C11orf71: variants seen among roughly 807,000 people sequenced by gnomAD.
C11orf71 encodes chromosome 11 open reading frame 71.
For synonymous variants in C11orf71, 72 were observed against 73.4 expected, an observed-to-expected ratio of 0.98 and a Z score of 0.09; for missense variants, 179 against 167.6, an observed-to-expected ratio of 1.07 and a Z score of -0.38.
At chr11:114,391,577 A>C in exon 2 of C11orf71, 1 of 1,524,242 alleles carries the variant, frequency 6.6e-7, no homozygotes, top group East Asian at 2.5e-5. Context: ...ATATTACTAA[A>C]ATTTCAAAAA....
At position 114,400,365 on chromosome 11, in the gene C11orf71, C is replaced by T. The variant is rs1946177623; in HGVS notation, c.-34G>A. ...ACTGCCCGCAGTACTTGCGTTACGT[C>T]CCTTTGTGAAGGCAGGCCCTTCGCG... On this transcript the variant is annotated 5_prime_UTR_variant, in exon 1 of 1. Transcript: ENST00000623205. The T allele has an allele frequency of 6.4e-7, 1 of 1,563,128 alleles. No individual in the cohort carries two copies. Among genetic ancestry groups the T allele is most frequent in the Non-Finnish European group, 8.7e-7 (1 of 1,153,792 alleles).
downstream of C11orf71, among the ~76,000 whole-genome samples, chr11:114,395,714 T>C (rs1946126533): frequency 6.6e-6 from 1 of 152,218 alleles, no homozygotes; most frequent in Non-Finnish European, 1.5e-5. Context: ...ATGTTCCTAA[T>C]GTCTGTCATG....
intron 1 of C11orf71, chr11:114,391,767 A>G (rs1191964075): frequency 2.7e-5 from 14 of 509,158 alleles, no homozygotes; most frequent in Non-Finnish European, 4.3e-5. Context: ...ATTTCTAAAC[A>G]TGTGCTGACA....
chr11:114,392,709 A>C (rs1345934420), intron 1 of C11orf71, among the ~76,000 whole-genome samples: 1 of 150,060 alleles, frequency 6.7e-6, no homozygotes, highest in Admixed American at 6.7e-5. Context: ...CCAGAGCCTG[A>C]GCAATAGAGT....
downstream of C11orf71, among the ~76,000 whole-genome samples, chr11:114,395,495 G>C (rs529104272): frequency 4.4e-4 from 67 of 152,306 alleles, 2 homozygotes; most frequent in South Asian, 0.012. Flanking sequence ...AGTGTGCAAT[G>C]TATGAGAGTT....
Position 114,392,745 on chromosome 11 carries a change from AC to A in C11orf71, c.344-1081del, listed in dbSNP as rs1249562266. Among the ~76,000 whole-genome samples the A allele has an allele frequency of 8.9e-4, 134 of 151,274 alleles. 3 individuals carry two copies. The highest frequency in any genetic ancestry group is 3.4e-4 in the Non-Finnish European group (23 of 67,870). The stretch of plus-strand genomic sequence containing the variant: ...AAGATCCTGTCTCAAAAAAAAAAAA[AC>A]AAAAAAAAATTGTACAATGCATCTT... On this transcript the variant is annotated intron_variant, in intron 1 of 1. Transcript: ENST00000325636.
downstream of C11orf71, among the ~76,000 whole-genome samples, chr11:114,394,773 T>C (rs1302905540): frequency 1.3e-5 from 2 of 152,038 alleles, no homozygotes; most frequent in Non-Finnish European, 2.9e-5. Flanking sequence ...TTTAAAATTA[T>C]AAACAGAAAA....
chr11:114,394,555 A>G (rs1467465088), downstream of C11orf71, among the ~76,000 whole-genome samples: 3 of 151,974 alleles, frequency 2.0e-5, no homozygotes, highest in Admixed American at 1.3e-4. Flanking sequence ...TTGGCCTCCC[A>G]AAGTGCTGGG....
exon 2 of C11orf71, chr11:114,391,616 T>A: frequency 6.5e-7 from 1 of 1,540,666 alleles, no homozygotes. Flanking sequence ...TTGAACACCA[T>A]CTTAAATCAG....
chr11:114,394,197 TC>T (rs1363410929), downstream of C11orf71, among the ~76,000 whole-genome samples: 23 of 42,436 alleles, frequency 5.4e-4, 3 homozygotes, highest in African/African-American at 2.6e-3. Context: ...TCTTTTCTTT[TC>T]TTTTCTTTTC....
At chr11:114,395,502 A>G (rs1462385559), downstream of C11orf71, among the ~76,000 whole-genome samples, 1 of 152,200 alleles carries the variant, frequency 6.6e-6, no homozygotes, top group Non-Finnish European at 1.5e-5. Context: ...AATGTATGAG[A>G]GTTGCACTGC....
Position 114,400,482 on chromosome 11 carries a change from G to C in C11orf71, c.-151C>G. 4 of 1,289,844 alleles carry C rather than the reference G, an allele frequency of 3.1e-6. 1 individual carries two copies. The South Asian group carries it at 4.6e-5, about 15-fold the overall frequency. The allele number at this position is 1,289,844 out of a possible 1,614,324, so 79.9% of individuals were successfully genotyped here. A position where few individuals can be genotyped will look rare whatever the true frequency, so the allele number is the denominator to read the frequency against. On this transcript the variant is annotated 5_prime_UTR_variant, in exon 1 of 1. Coordinates refer to ENST00000623205, the MANE Select transcript of C11orf71 (RefSeq NM_001271562.2). ...CTGCGGAAGAGCCAGAAGCCGCCTTGCCTTTAACGAGGGGTATCCTGGCGA... is the reference window on the plus strand; with the variant it reads ...CTGCGGAAGAGCCAGAAGCCGCCTTCCCTTTAACGAGGGGTATCCTGGCGA...
exon 2 of C11orf71, chr11:114,391,601 G>A (rs1946072395): frequency 1.3e-6 from 2 of 1,538,004 alleles, no homozygotes; most frequent in Non-Finnish European, 1.8e-6. Context: ...TTGAATGGCT[G>A]CATGTTGAAC....
At chr11:114,392,546 A>AT in intron 1 of C11orf71, among the ~76,000 whole-genome samples, 1 of 148,114 alleles carries the variant, frequency 6.8e-6, no homozygotes. Context: ...AAAAAAAAAA[A>AT]AAAAGAAGAA....
chr11:114,391,526 A>G, exon 2 of C11orf71: 5 of 1,209,164 alleles, frequency 4.1e-6, no homozygotes, highest in Non-Finnish European at 5.7e-6. Flanking sequence ...TCCAATTTTT[A>G]TCTTAAATAA....
chr11:114,399,883 G>A lies in C11orf71; in HGVS notation c.*77C>T. 2 of 1,477,278 alleles carry A rather than the reference G, an allele frequency of 1.4e-6. No homozygotes were observed. The highest frequency in any genetic ancestry group is 9.0e-7 in the Non-Finnish European group (1 of 1,115,164). The allele number at this position is 1,477,278 out of a possible 1,614,324, so 91.5% of individuals were successfully genotyped here. The stretch of plus-strand genomic sequence containing the variant: ...CATCCATCTAAAAATAAAACAACAC[G>A]ATTGCTGCTACACCAAGAAAGGATT... On this transcript the variant is annotated 3_prime_UTR_variant, in exon 1 of 1. Transcript: ENST00000623205.
chr11:114,394,243 T>TTTCTTTTTTC (rs1491257335), downstream of C11orf71, among the ~76,000 whole-genome samples: 2 of 52,390 alleles, frequency 3.8e-5, no homozygotes, highest in African/African-American at 2.9e-4. Context: ...TTTTCTTTTC[T>TTTCTTTTTTC]TTTCTTTTCT....
chr11:114,393,205 C>G (rs1946086322), intron 1 of C11orf71, among the ~76,000 whole-genome samples: 1 of 152,212 alleles, frequency 6.6e-6, no homozygotes, highest in African/African-American at 2.4e-5. Flanking sequence ...ACCAGCATCT[C>G]AAGCTGCTTT....
At chr11:114,394,246 T>TC (rs1369414128), downstream of C11orf71, among the ~76,000 whole-genome samples, 1 of 63,436 alleles carries the variant, frequency 1.6e-5, no homozygotes, top group Admixed American at 2.1e-4. Flanking sequence ...TCTTTTCTTT[T>TC]CTTTTCTTTT....
Sources: allele counts gnomAD v4.1 joint callset (sites outside exome capture counted in the v4.1 genomes callset), GRCh38; gene constraint gnomAD v4.1.1; transcripts MANE v1.5; gene names NCBI Gene and HGNC (gene_info 2026-07-23, HGNC 2026-07-21).